SLC24A3: variants seen among roughly 807,000 people sequenced by gnomAD.
The protein encoded by SLC24A3 is solute carrier family 24 member 3.
In SLC24A3, 28 loss-of-function variants were observed where a neutral mutation model predicts 75.8. The ratio of observed to expected loss-of-function variants is 0.37; its 90% CI spans 0.27 to 0.51. SLC24A3 has a LOEUF of 0.51. Among genes scored for constraint, SLC24A3 ranks in the 20% least tolerant of loss-of-function variants. The pLI is 0.94. For missense variants in SLC24A3, 663 were observed against 847.8 expected (o/e 0.78, Z 2.71); for synonymous variants, 372 against 334.1 (o/e 1.11, Z -1.24).
chr20:19,486,549 G>A (rs1035168409), intron 2 of SLC24A3, among the ~76,000 whole-genome samples: 2 of 152,168 alleles, frequency 1.3e-5, no homozygotes, highest in Non-Finnish European at 2.9e-5. Flanking sequence ...AGGTTTGGGG[G>A]CCATGGCCCC....
intron 2 of SLC24A3, among the ~76,000 whole-genome samples, chr20:19,491,342 A>C (rs1988206430): frequency 6.6e-6 from 1 of 152,146 alleles, no homozygotes; most frequent in South Asian, 2.1e-4. Context: ...TCTGTAACTA[A>C]CCTCTTCAAA....
intron 15 of SLC24A3, among the ~76,000 whole-genome samples, chr20:19,710,115 T>G (rs11908057): frequency 6.6e-6 from 1 of 152,114 alleles, no homozygotes; most frequent in Non-Finnish European, 1.5e-5. Context: ...TAAGAAAATG[T>G]GAAATGACAT....
chr20:19,626,063 GT>G (rs11475767), intron 6 of SLC24A3, among the ~76,000 whole-genome samples: 1,747 of 152,042 alleles, frequency 0.011, 18 homozygotes, highest in Middle Eastern at 0.041. Flanking sequence ...TTGTGAATTG[GT>G]TTTAGTAATA....
intron 1 of SLC24A3, chr20:19,213,605 A>G (rs1981470697): frequency 6.6e-6 from 1 of 152,352 alleles, no homozygotes; most frequent in Admixed American, 6.5e-5. Flanking sequence ...ATTCTTCCTC[A>G]GAGGTCCCTT....
rs1307674967 is a variant in SLC24A3, at chr20:19,486,405, C to T, written c.272-29083C>T. 9.2e-5 allele frequency among the ~76,000 whole-genome samples: 14 copies of T among 152,096 alleles called. No homozygotes were observed. In the South Asian group the frequency reaches 2.3e-3, roughly 25 times the overall value. Reference sequence around the variant, plus strand: ...AAAGCCTTTGCCAAAACTCCTAGAACAGTACACCAAAAGTGGTGAATTTTA... The same window carrying T: ...AAAGCCTTTGCCAAAACTCCTAGAATAGTACACCAAAAGTGGTGAATTTTA... On this transcript the variant is annotated intron_variant, in intron 2 of 16. Coordinates refer to ENST00000328041, the MANE Select transcript of SLC24A3 (RefSeq NM_020689.4).
intron 2 of SLC24A3, among the ~76,000 whole-genome samples, chr20:19,466,787 A>G (rs1987773191): frequency 6.6e-6 from 1 of 152,198 alleles, no homozygotes; most frequent in African/African-American, 2.4e-5. Context: ...TTTCGAATGT[A>G]CAGAGATTCT....
chr20:19,533,781 G>T (rs2030346374), intron 3 of SLC24A3, among the ~76,000 whole-genome samples: 2 of 152,204 alleles, frequency 1.3e-5, no homozygotes, highest in African/African-American at 4.8e-5. Context: ...ATCAAGCAAG[G>T]AGTTGACCCA....
intron 3 of SLC24A3, among the ~76,000 whole-genome samples, chr20:19,543,770 G>A (rs2030541382): frequency 6.6e-6 from 1 of 152,202 alleles, no homozygotes; most frequent in African/African-American, 2.4e-5. Flanking sequence ...TTTCTTAAAG[G>A]TGGTGGTACC....
intron 2 of SLC24A3, among the ~76,000 whole-genome samples, chr20:19,352,193 G>T (rs1329957838): frequency 6.6e-6 from 1 of 152,136 alleles, no homozygotes; most frequent in Non-Finnish European, 1.5e-5. Flanking sequence ...TTGAGTCAAG[G>T]GCCTTAGCAT....
chr20:19,270,667 T>C (rs1229935755), intron 1 of SLC24A3, among the ~76,000 whole-genome samples: 2 of 152,174 alleles, frequency 1.3e-5, no homozygotes, highest in Non-Finnish European at 2.9e-5. Context: ...TACCTCCCAA[T>C]TGGGAGTTAG....
At chr20:19,543,314 A>G (rs1216128318) in intron 3 of SLC24A3, among the ~76,000 whole-genome samples, 2 of 152,122 alleles carry the variant, frequency 1.3e-5, no homozygotes, top group African/African-American at 4.8e-5. Flanking sequence ...GAAAGAAAAA[A>G]CCGGATACCA....
intron 6 of SLC24A3, among the ~76,000 whole-genome samples, chr20:19,601,449 C>T (rs1000219241): frequency 5.3e-5 from 8 of 152,206 alleles, no homozygotes; most frequent in African/African-American, 1.2e-4. Flanking sequence ...AAAAAAGCAA[C>T]GCACCCACAA....
chr20:19,515,803 C>T lies in SLC24A3; in HGVS notation c.348+239C>T, dbSNP rs2122558641. 2.6e-5 allele frequency among the ~76,000 whole-genome samples: 4 copies of T among 152,306 alleles called. No homozygotes were observed. In the Middle Eastern group the frequency reaches 0.01, roughly 389 times the overall value. Reference sequence around the variant, plus strand: ...TTCATGTTAGTGCCCAGAGTGTGGACTCTAAAGTCAAACAGCCCCACTCTC... The same window carrying T: ...TTCATGTTAGTGCCCAGAGTGTGGATTCTAAAGTCAAACAGCCCCACTCTC... On this transcript the variant is annotated intron_variant, in intron 3 of 16. Coordinates refer to ENST00000328041, the MANE Select transcript of SLC24A3 (RefSeq NM_020689.4).
rs113150818 is a variant in SLC24A3, at chr20:19,290,326, G to A, written c.271+9239G>A. 6.3e-3 allele frequency among the ~76,000 whole-genome samples: 962 copies of A among 152,308 alleles called. 9 individuals carry two copies. The highest frequency in any genetic ancestry group is 0.022 in the African/African-American group (922 of 41,552). ...TCAGAGGTTTTCAAGCTTCCAGGGG[G>A]TTATAGTCTGAGTGTTTGTGTCCCT... is the stretch of plus-strand genomic sequence containing the variant. On this transcript the variant is annotated intron_variant, in intron 2 of 16. Transcript: ENST00000328041.
Position 19,681,787 on chromosome 20 carries a change from A to T in SLC24A3, c.768-71A>T. On this transcript the variant is annotated intron_variant, in intron 9 of 16. Coordinates refer to ENST00000328041, the MANE Select transcript of SLC24A3 (RefSeq NM_020689.4). ...GCAGACTGGGAGAGCTCTCAGAAGC[A>T]CTTGGTGGGAGTTGAGAAATGGGAG... The T allele has an allele frequency of 3.7e-6, 6 of 1,609,020 alleles. No individual in the cohort carries two copies. In the Middle Eastern group the frequency reaches 8.3e-4, roughly 222 times the overall value.
At chr20:19,514,431 G>A (rs1209109915) in intron 2 of SLC24A3, among the ~76,000 whole-genome samples, 1 of 152,198 alleles carries the variant, frequency 6.6e-6, no homozygotes, top group Non-Finnish European at 1.5e-5. Flanking sequence ...AATGGTGGTG[G>A]TTTCTCTAAG....
chr20:19,708,006 T>G (rs1001612597), intron 15 of SLC24A3, among the ~76,000 whole-genome samples: 3 of 127,202 alleles, frequency 2.4e-5, no homozygotes, highest in Non-Finnish European at 3.5e-5. Flanking sequence ...CTAGAACATG[T>G]CGTGATGTTG....
intron 16 of SLC24A3, among the ~76,000 whole-genome samples, chr20:19,718,629 T>C (rs1292471479): frequency 6.6e-6 from 1 of 152,184 alleles, no homozygotes; most frequent in African/African-American, 2.4e-5. Flanking sequence ...GTGCATCTTT[T>C]TAGGCTATGC....
chr20:19,402,952 C>T (rs1379901197), intron 2 of SLC24A3, among the ~76,000 whole-genome samples: 1 of 152,166 alleles, frequency 6.6e-6, no homozygotes, highest in Non-Finnish European at 1.5e-5. Flanking sequence ...GACTACTGTA[C>T]CCAAAGAACT....
Sources: gnomAD v4.1 joint callset for allele counts (sites outside exome capture counted in the v4.1 genomes callset) on GRCh38, gnomAD v4.1.1 for gene constraint, MANE v1.5 for transcripts, NCBI Gene and HGNC (gene_info 2026-07-23, HGNC 2026-07-21) for gene names.